AFF4: variants seen among roughly 807,000 people sequenced by gnomAD.
AFF4 encodes the protein AF4/FMR2 family member 4.
AFF4 carries 13 observed loss-of-function variants against 124.8 expected under a neutral mutation model. That is an observed-to-expected ratio of 0.10 (90% CI 0.07 to 0.17). The LOEUF is 0.17. Among genes scored for constraint, AFF4 ranks in the 10% least tolerant of loss-of-function variants. The pLI is 1.00. For missense variants in AFF4, 1,092 were observed against 1,403.8 expected (o/e 0.78, Z 3.55); for synonymous variants, 477 against 496.1 (o/e 0.96, Z 0.51).
chr5:132,939,710 A>C (rs903692789), intron 1 of AFF4, among the ~76,000 whole-genome samples: 3 of 152,326 alleles, frequency 2.0e-5, no homozygotes, highest in East Asian at 1.9e-4. Context: ...ACCCAGGTTC[A>C]ATTGATTCTC....
chr5:132,880,412 A>G lies in AFF4; in HGVS notation c.*647T>C. 1 of 398,780 alleles carries G rather than the reference A, an allele frequency of 2.5e-6. No homozygotes were observed. The highest frequency in any genetic ancestry group is 4.4e-6 in the Non-Finnish European group (1 of 225,926). The allele number at this position is 398,780 out of a possible 1,614,324, so 24.7% of individuals were successfully genotyped here. A position where few individuals can be genotyped will look rare whatever the true frequency, so the allele number is the denominator to read the frequency against. Reference sequence around the variant, plus strand: ...CCAAATCAGACACATTTCATAGTACATACATGTAGAATGCCATTTTCTCAT... The same window carrying G: ...CCAAATCAGACACATTTCATAGTACGTACATGTAGAATGCCATTTTCTCAT... On this transcript the variant is annotated 3_prime_UTR_variant, in exon 21 of 21. Transcript: ENST00000265343.
In AFF4 at chr5:132,887,977, A is replaced by G; in HGVS notation, c.2802T>C (p.Asp934=). The change falls in exon 16 of 21, where the codon GAT becomes GAC. Residue 934 remains aspartate (D), a synonymous_variant. Coordinates refer to ENST00000265343, the MANE Select transcript of AFF4 (RefSeq NM_014423.4). ...KLKHNADALS[D]RFEKAVYYLD... ...GATAGTATACAGCTTTCTCAAACCT[A>G]TCAGACTGAAGAAAGGAGAATGCAA... is the stretch of plus-strand genomic sequence containing the variant. 1.2e-6 allele frequency: 2 copies of G among 1,613,438 alleles called. No homozygotes were observed. Among genetic ancestry groups the G allele is most frequent in the Middle Eastern group, 1.7e-4 (1 of 6,058 alleles).
At chr5:132,912,864 C>CA (rs1760825801) in intron 5 of AFF4, among the ~76,000 whole-genome samples, 6 of 151,570 alleles carry the variant, frequency 4.0e-5, no homozygotes, top group Non-Finnish European at 5.9e-5. Flanking sequence ...AACACACACA[C>CA]ACACACACAC....
chr5:132,955,138 C>T lies in AFF4; in HGVS notation c.-5+8121G>A, dbSNP rs141062051. 1.1e-3 allele frequency among the ~76,000 whole-genome samples: 174 copies of T among 152,246 alleles called. 1 individual carries two copies. Among genetic ancestry groups the T allele is most frequent in the East Asian group, 7.9e-3 (41 of 5,178 alleles). On this transcript the variant is annotated intron_variant, in intron 1 of 20. Coordinates refer to ENST00000265343, the MANE Select transcript of AFF4 (RefSeq NM_014423.4). ...GAAATCCTCTCCAACCCATAGTCTC[C>T]GGTGTCCAGCTGCTGCTTCTCCTCT... is the stretch of plus-strand genomic sequence containing the variant.
chr5:132,929,393 G>A (rs1355987406), intron 4 of AFF4, among the ~76,000 whole-genome samples: 1 of 152,122 alleles, frequency 6.6e-6, no homozygotes, highest in East Asian at 1.9e-4. Context: ...ATCATTAAAT[G>A]TAAGAAAATC....
chr5:132,962,210 C>T (rs67952459), intron 1 of AFF4, among the ~76,000 whole-genome samples: 17,541 of 152,244 alleles, frequency 0.12, 1,282 homozygotes, highest in South Asian at 0.2. Flanking sequence ...AGAATCAATA[C>T]AGAAACGAAG....
rs1206698351 is a variant in AFF4 at position 132,908,757 on chromosome 5, C to CAT, written c.1051-4355_1051-4354dup. Reference sequence around the variant, plus strand: ...ATATAATCTATACACTATATATATACATATATATATATATATATATTTTTT... The same window carrying CAT: ...ATATAATCTATACACTATATATATACATATATATATATATATATATATTTTTT... On this transcript the variant is annotated intron_variant, in intron 5 of 20. Transcript: ENST00000265343. Among the ~76,000 whole-genome samples, 1,248 of 136,094 alleles carry CAT rather than the reference C, an allele frequency of 9.2e-3. 8 individuals are homozygous for CAT. Among genetic ancestry groups the CAT allele is most frequent in the African/African-American group, 0.018 (659 of 36,402 alleles). 89.3% of individuals were successfully genotyped at this position (136,094 alleles called of 152,430 possible).
intron 7 of AFF4, 130 bp downstream of exon 7, chr5:132,902,312 T>A: frequency 1.5e-6 from 1 of 688,176 alleles, no homozygotes; most frequent in Non-Finnish European, 2.5e-6. Flanking sequence ...CCTCCCAAAG[T>A]GCTAGGATTA....
chr5:132,905,165 A>G (rs552287214), intron 5 of AFF4, among the ~76,000 whole-genome samples: 82 of 152,276 alleles, frequency 5.4e-4, no homozygotes, highest in Admixed American at 1.6e-3. Flanking sequence ...ATACATTAGC[A>G]ACGTGAGGAA....
intron 1 of AFF4, among the ~76,000 whole-genome samples, chr5:132,941,306 G>A (rs1761563432): frequency 6.6e-6 from 1 of 151,930 alleles, no homozygotes; most frequent in Admixed American, 6.6e-5. Flanking sequence ...TGAGAATACA[G>A]GAATAAACAA....
intron 1 of AFF4, among the ~76,000 whole-genome samples, chr5:132,958,651 A>G (rs1007130527): frequency 2.6e-5 from 4 of 152,122 alleles, no homozygotes; most frequent in Non-Finnish European, 4.4e-5. Context: ...TAATATTCCA[A>G]TTGGAAGAAA....
intron 4 of AFF4, among the ~76,000 whole-genome samples, chr5:132,929,082 AT>A (rs939367870): frequency 7.3e-5 from 11 of 151,582 alleles, no homozygotes; most frequent in Admixed American, 2.0e-4. Context: ...TTTAGAGTGA[AT>A]TTTTTTTTAA....
At position 132,879,203 on chromosome 5, in the gene AFF4, T is replaced by G. The variant is rs971907365; in HGVS notation, c.*1856A>C. ...AAACAGTTAAGAAGCTCTATAAATA[T>G]GAGGCCACAGGGACAATGAAAGTTC... On this transcript the variant is annotated 3_prime_UTR_variant, in exon 21 of 21. Coordinates refer to ENST00000265343, the MANE Select transcript of AFF4 (RefSeq NM_014423.4). The G allele has an allele frequency of 4.5e-5, 10 of 220,082 alleles. No homozygotes were observed. Among genetic ancestry groups the G allele is most frequent in the Non-Finnish European group, 9.1e-5 (10 of 109,766 alleles). 13.6% of individuals were successfully genotyped at this position (220,082 alleles called of 1,614,324 possible).
chr5:132,939,368 G>A (rs907482244), intron 1 of AFF4, among the ~76,000 whole-genome samples: 5 of 151,990 alleles, frequency 3.3e-5, no homozygotes, highest in Non-Finnish European at 1.5e-5. Flanking sequence ...GCACTCTATA[G>A]AACTCTATTT....
intron 1 of AFF4, among the ~76,000 whole-genome samples, chr5:132,956,687 T>C (rs1761967128): frequency 6.6e-6 from 1 of 150,438 alleles, no homozygotes; most frequent in Non-Finnish European, 1.5e-5. Flanking sequence ...TCCTAAAATA[T>C]TGACTTGCTA....
chr5:132,881,627 A>G (rs1353972113), intron 20 of AFF4, among the ~76,000 whole-genome samples: 2 of 152,196 alleles, frequency 1.3e-5, no homozygotes, highest in East Asian at 1.9e-4. Flanking sequence ...ACTTAAGATT[A>G]TATCAAACTT....
At chr5:132,882,675 T>C (rs1192636515) in intron 20 of AFF4, among the ~76,000 whole-genome samples, 1 of 151,826 alleles carries the variant, frequency 6.6e-6, no homozygotes, top group Non-Finnish European at 1.5e-5. Flanking sequence ...GTTCACATGG[T>C]GAAACCCCAT....
At chr5:132,888,671 G>GT (rs1011983598) in intron 14 of AFF4, among the ~76,000 whole-genome samples, 2 of 151,974 alleles carry the variant, frequency 1.3e-5, no homozygotes, top group African/African-American at 4.8e-5. Context: ...CAGATCATAC[G>GT]TAAGTATATA....
chr5:132,901,569 T>C (rs754694651), intron 7 of AFF4, among the ~76,000 whole-genome samples: 12 of 152,196 alleles, frequency 7.9e-5, no homozygotes, highest in Admixed American at 2.6e-4. Flanking sequence ...ATTCTTTAAG[T>C]TGGAATTTAT....
Sources: gnomAD v4.1 joint callset for allele counts (sites outside exome capture counted in the v4.1 genomes callset) on GRCh38, gnomAD v4.1.1 for gene constraint, MANE v1.5 for transcripts, NCBI Gene and HGNC (gene_info 2026-07-23, HGNC 2026-07-21) for gene names.